The following ZMYM2 variants were observed in gnomAD, a reference collection of about 807,000 sequenced individuals.
ZMYM2 encodes the protein zinc finger MYM-type containing 2.
Under a neutral mutation model 162.8 loss-of-function variants are expected in ZMYM2, and 56 were observed. That is an observed-to-expected ratio of 0.34 (90% confidence interval 0.28 to 0.43). The LOEUF (loss-of-function observed/expected upper bound fraction) is 0.43. Ranked by LOEUF, ZMYM2 falls within the 20% of genes least tolerant of loss-of-function variation. The probability of loss-of-function intolerance (pLI) is 1.00; values close to 1 mark genes in which losing one functional copy is unlikely to be tolerated. For synonymous variants in ZMYM2, 510 were observed against 541.6 expected, an observed-to-expected ratio of 0.94 and a Z score of 0.81; for missense variants, 1,275 against 1,621.8, an observed-to-expected ratio of 0.79 and a Z score of 3.67.
At chr13:19,877,063 T>G in the ZMYM2 span, among the ~76,000 whole-genome samples, 2 of 152,014 alleles carry the variant, frequency 1.3e-5, no homozygotes, top group African/African-American at 4.8e-5. Flanking sequence ...ATACAAAAAA[T>G]TAGCTGGGCG....
intron 21 of ZMYM2, among the ~76,000 whole-genome samples, chr13:20,070,064 C>T (rs1353818223): frequency 6.6e-6 from 1 of 151,910 alleles, no homozygotes; most frequent in Non-Finnish European, 1.5e-5. Flanking sequence ...TTATTCTTTG[C>T]TTACTTAACT....
intron 2 of ZMYM2, among the ~76,000 whole-genome samples, chr13:19,989,705 A>G (rs1227104837): frequency 6.6e-6 from 1 of 152,222 alleles, no homozygotes; most frequent in African/African-American, 2.4e-5. Flanking sequence ...CAATTAGATT[A>G]TTATTGACTA....
At chr13:19,866,079 G>A in the ZMYM2 span, among the ~76,000 whole-genome samples, 2 of 150,498 alleles carry the variant, frequency 1.3e-5, no homozygotes, top group Non-Finnish European at 2.9e-5. Flanking sequence ...TGAATTGGCC[G>A]GGCACAATGG....
chr13:20,072,733 G>A (rs1405464820), intron 21 of ZMYM2, among the ~76,000 whole-genome samples: 1 of 151,946 alleles, frequency 6.6e-6, no homozygotes, highest in Non-Finnish European at 1.5e-5. Flanking sequence ...AGTTCCTTTA[G>A]TTGATATCAA....
intron 24 of ZMYM2, 30 bp from the exon 25 acceptor site, chr13:20,085,788 TTGAC>T: frequency 6.4e-7 from 1 of 1,560,554 alleles, no homozygotes; most frequent in South Asian, 1.2e-5. Flanking sequence ...TTTTGTGAAA[TTGAC>T]TTTTTCTCTT....
chr13:19,923,442 T>G, the ZMYM2 span, among the ~76,000 whole-genome samples: 2 of 151,004 alleles, frequency 1.3e-5, no homozygotes, highest in African/African-American at 4.9e-5. Flanking sequence ...CTTTATTCAT[T>G]GATTTGTAAT....
At chr13:19,896,426 G>A in the ZMYM2 span, among the ~76,000 whole-genome samples, 1 of 151,086 alleles carries the variant, frequency 6.6e-6, no homozygotes, top group Non-Finnish European at 1.5e-5. Flanking sequence ...TTACAGGCGT[G>A]AGCCACTGCA....
chr13:19,924,442 C>T, the ZMYM2 span, among the ~76,000 whole-genome samples: 379 of 152,132 alleles, frequency 2.5e-3, no homozygotes, highest in African/African-American at 8.7e-3. Context: ...GTAGTGTGTG[C>T]CTGTAGTCTC....
At chr13:19,909,667 A>G in the ZMYM2 span, among the ~76,000 whole-genome samples, 1 of 151,968 alleles carries the variant, frequency 6.6e-6, no homozygotes, top group Non-Finnish European at 1.5e-5. Flanking sequence ...TCCTGACCTC[A>G]GGTGATCCGC....
the ZMYM2 span, among the ~76,000 whole-genome samples, chr13:19,945,980 G>GT: frequency 1.4e-5 from 2 of 139,540 alleles, no homozygotes; most frequent in Non-Finnish European, 3.1e-5. Context: ...AAAAAGAGAA[G>GT]TTTTTTGTGT....
intron 2 of ZMYM2, among the ~76,000 whole-genome samples, chr13:19,967,453 C>T (rs924532493): frequency 6.6e-6 from 1 of 152,080 alleles, no homozygotes; most frequent in Non-Finnish European, 1.5e-5. Context: ...CAGATTCAGG[C>T]TTAAATCTGC....
chr13:20,019,396 A>G (rs1951887487), intron 6 of ZMYM2, 151 bp from the exon 7 acceptor site: 11 of 576,286 alleles, frequency 1.9e-5, no homozygotes, highest in Non-Finnish European at 3.3e-5. Flanking sequence ...AGTAGTGGGG[A>G]CAGGACAGGC....
chr13:20,085,822 T>C lies in ZMYM2; in HGVS notation c.3942T>C (p.Ser1314=), dbSNP rs767613341. Residue 1314 remains serine (S), a splice_region_variant and synonymous_variant, in exon 25 of 25, where the codon AGT becomes AGC. Coordinates refer to ENST00000610343, the MANE Select transcript of ZMYM2 (RefSeq NM_197968.4). ...TCTCTTTTTCCTCCCGCCTCCAAAG[T>C]CCACAGAATCTTAATCAGAGGATGG... is the stretch of plus-strand genomic sequence containing the variant. ...VKMFECYLSK[S]PQNLNQRMDV... 11 of 1,583,954 alleles carry C rather than the reference T, an allele frequency of 6.9e-6. No individual in the cohort carries two copies. Among genetic ancestry groups the C allele is most frequent in the Admixed American group, 3.7e-5 (2 of 53,414 alleles).
At chr13:19,999,278 T>G (rs1377332670) in intron 3 of ZMYM2, among the ~76,000 whole-genome samples, 10 of 152,204 alleles carry the variant, frequency 6.6e-5, no homozygotes, top group Admixed American at 5.9e-4. Flanking sequence ...GTGGCAACAT[T>G]GAGCCGAGTA....
chr13:20,034,499 T>G, intron 11 of ZMYM2, 95 bp downstream of exon 11: 2 of 1,208,688 alleles, frequency 1.7e-6, no homozygotes, highest in Non-Finnish European at 2.1e-6. Context: ...AATTTTAATG[T>G]AGCTGAACAA....
the ZMYM2 span, among the ~76,000 whole-genome samples, chr13:19,901,788 A>G: frequency 1.1e-4 from 17 of 151,920 alleles, no homozygotes; most frequent in Admixed American, 9.9e-4. Flanking sequence ...CTTTTTTTAA[A>G]AAAGGAGCTG....
At chr13:20,005,656 G>T (rs923857273) in intron 5 of ZMYM2, among the ~76,000 whole-genome samples, 6 of 152,114 alleles carry the variant, frequency 3.9e-5, no homozygotes, top group African/African-American at 1.4e-4. Context: ...TATTAATATT[G>T]TGTTAAATAA....
In ZMYM2 at chr13:20,031,302, T is replaced by C. The variant is rs747954111; in HGVS notation, c.1852-17T>C. ...AACATACATGTCAGGCTTAGTATCTTTTGTTCTTTGTTTTAGGCTCTAAGT... is the reference window on the plus strand; with the variant it reads ...AACATACATGTCAGGCTTAGTATCTCTTGTTCTTTGTTTTAGGCTCTAAGT... On this transcript the variant is annotated splice_polypyrimidine_tract_variant and intron_variant, in intron 9 of 24. Coordinates refer to ENST00000610343, the MANE Select transcript of ZMYM2 (RefSeq NM_197968.4). The C allele has an allele frequency of 3.8e-6, 6 of 1,564,942 alleles. No homozygotes were observed. Among genetic ancestry groups the C allele is most frequent in the Non-Finnish European group, 3.5e-6 (4 of 1,147,334 alleles).
At chr13:19,992,917 A>C in intron 2 of ZMYM2, 146 bp from the exon 3 acceptor site, 1 of 882,904 alleles carries the variant, frequency 1.1e-6, no homozygotes, top group Non-Finnish European at 1.6e-6. Context: ...ATGAATGGAT[A>C]TCACATATTT....
Sources: allele counts gnomAD v4.1 joint callset (sites outside exome capture counted in the v4.1 genomes callset), GRCh38; gene constraint gnomAD v4.1.1; transcripts MANE v1.5; gene names NCBI Gene and HGNC (gene_info 2026-07-23, HGNC 2026-07-21).